ACTR3C: variants seen among roughly 807,000 people sequenced by gnomAD.
The protein encoded by ACTR3C is actin-related protein 3C.
ACTR3C carries 18 observed loss-of-function variants against 26.3 expected under a neutral mutation model. The observed-to-expected ratio is 0.68, with a 90% confidence interval of 0.47 to 1.01. The LOEUF is 1.01. Ranked by LOEUF, ACTR3C falls within the 50% of genes least tolerant of loss-of-function variation. The pLI is 0.00. For missense variants in ACTR3C, 184 were observed against 250.7 expected (o/e 0.73, Z 1.80); for synonymous variants, 55 against 94.5 (o/e 0.58, Z 2.42).
At chr7:150,230,052 C>T in the ACTR3C span, among the ~76,000 whole-genome samples, 5 of 149,816 alleles carry the variant, frequency 3.3e-5, no homozygotes, top group African/African-American at 7.5e-5. Flanking sequence ...TGGCAAAACC[C>T]GGTCTCTACT....
At chr7:150,194,723 G>A in the ACTR3C span, among the ~76,000 whole-genome samples, 1 of 151,754 alleles carries the variant, frequency 6.6e-6, no homozygotes, top group African/African-American at 2.4e-5. Flanking sequence ...TTATGCCCAT[G>A]TTTACACATT....
the ACTR3C span, among the ~76,000 whole-genome samples, chr7:150,049,809 GT>G: frequency 6.6e-6 from 1 of 152,194 alleles, no homozygotes; most frequent in Admixed American, 6.5e-5. Context: ...CTCATCTTCT[GT>G]TTACTCCACA....
intron 6 of ACTR3C, among the ~76,000 whole-genome samples, chr7:150,254,194 TA>T (rs1365951543): frequency 6.6e-6 from 1 of 152,054 alleles, no homozygotes; most frequent in Non-Finnish European, 1.5e-5. Flanking sequence ...AGATACCCCA[TA>T]TTGATGAGAG....
At chr7:150,129,209 A>G in the ACTR3C span, among the ~76,000 whole-genome samples, 1 of 152,074 alleles carries the variant, frequency 6.6e-6, no homozygotes, top group Non-Finnish European at 1.5e-5. Flanking sequence ...GGCATTTTCC[A>G]TAACCCAGGA....
chr7:150,214,798 A>G, the ACTR3C span, among the ~76,000 whole-genome samples: 7,264 of 150,276 alleles, frequency 0.048, 568 homozygotes, highest in African/African-American at 0.17. Flanking sequence ...GCAGACAAAG[A>G]AAAATAATAC....
chr7:150,046,351 C>CG, the ACTR3C span, among the ~76,000 whole-genome samples: 25 of 60,904 alleles, frequency 4.1e-4, 2 homozygotes, highest in Middle Eastern at 0.01. Context: ...CTCACCGCCC[C>CG]CCCCCCCCCG....
At chr7:150,034,735 G>T in the ACTR3C span, among the ~76,000 whole-genome samples, 2 of 151,312 alleles carry the variant, frequency 1.3e-5, no homozygotes, top group Non-Finnish European at 1.5e-5. Flanking sequence ...CTCCAGGTGG[G>T]TCCTAAGGAT....
At chr7:149,891,591 A>G in the ACTR3C span, among the ~76,000 whole-genome samples, 92,060 of 151,008 alleles carry the variant, frequency 0.61, 30,117 homozygotes, top group South Asian at 0.79. Context: ...TTGGGAGGCC[A>G]AGGCAGGAGG....
the ACTR3C span, among the ~76,000 whole-genome samples, chr7:149,951,268 G>A: frequency 2.3e-5 from 3 of 128,678 alleles, no homozygotes; most frequent in Admixed American, 1.5e-4. Context: ...TCCTTGCTCC[G>A]CAGGGATGTA....
chr7:150,122,117 A>G, the ACTR3C span, among the ~76,000 whole-genome samples: 3 of 152,230 alleles, frequency 2.0e-5, no homozygotes, highest in African/African-American at 4.8e-5. Flanking sequence ...ACCTAAAACC[A>G]TAAAAACCCT....
chr7:150,088,162 G>A, the ACTR3C span, among the ~76,000 whole-genome samples: 1 of 152,250 alleles, frequency 6.6e-6, no homozygotes, highest in Admixed American at 6.5e-5. Flanking sequence ...GGTGTTTGAT[G>A]CACAAAAGTT....
intron 6 of ACTR3C, among the ~76,000 whole-genome samples, chr7:150,280,659 T>C (rs1272424934): frequency 1.3e-5 from 2 of 152,158 alleles, no homozygotes; most frequent in African/African-American, 4.8e-5. Flanking sequence ...ATATTCTCAC[T>C]GCACACATTG....
At chr7:150,286,264 C>T in intron 5 of ACTR3C, 103 bp downstream of exon 5, 2 of 1,380,776 alleles carry the variant, frequency 1.4e-6, no homozygotes, top group Non-Finnish European at 2.0e-6. Context: ...GAATGACGGC[C>T]ACCCTGCTCA....
chr7:150,182,250 G>A, the ACTR3C span, among the ~76,000 whole-genome samples: 4 of 150,590 alleles, frequency 2.7e-5, no homozygotes, highest in African/African-American at 5.0e-5. Context: ...TTTGTTAGCT[G>A]GATTTATGGA....
the ACTR3C span, among the ~76,000 whole-genome samples, chr7:150,089,656 G>A: frequency 2.6e-5 from 4 of 152,198 alleles, no homozygotes; most frequent in Non-Finnish European, 4.4e-5. Flanking sequence ...GGAGACCTAC[G>A]CTAGGTGCTG....
the ACTR3C span, among the ~76,000 whole-genome samples, chr7:150,036,865 G>T: frequency 1.6e-3 from 135 of 86,952 alleles, 17 homozygotes; most frequent in Non-Finnish European, 2.4e-3. Context: ...CCTAAGCCAG[G>T]GGGGGATGAG....
the ACTR3C span, among the ~76,000 whole-genome samples, chr7:150,085,137 CAT>C: frequency 1.3e-5 from 2 of 152,196 alleles, no homozygotes; most frequent in Admixed American, 1.3e-4. Flanking sequence ...CTTCTGGCCA[CAT>C]GTTAGCGAGG....
chr7:149,909,818 C>G, the ACTR3C span: 2 of 238,588 alleles, frequency 8.4e-6, no homozygotes, highest in Non-Finnish European at 1.4e-5. Context: ...CCTCAGAATA[C>G]TCCTTGAAAT....
the ACTR3C span, among the ~76,000 whole-genome samples, chr7:150,116,426 G>A: frequency 6.6e-6 from 1 of 152,170 alleles, no homozygotes; most frequent in South Asian, 2.1e-4. Flanking sequence ...TTGATTTCTG[G>A]TAATATTGTC....
Sources: gnomAD v4.1 joint callset for allele counts (sites outside exome capture counted in the v4.1 genomes callset) on GRCh38, gnomAD v4.1.1 for gene constraint, MANE v1.5 for transcripts, NCBI Gene and HGNC (gene_info 2026-07-23, HGNC 2026-07-21) for gene names.